The following GAN variants were observed in gnomAD, a reference collection of about 807,000 sequenced individuals.
The protein encoded by GAN is gigaxonin.
In GAN, 48 loss-of-function variants were observed where a neutral mutation model predicts 71.3. The ratio of observed to expected loss-of-function variants is 0.67; its 90% CI spans 0.53 to 0.86. The LOEUF (loss-of-function observed/expected upper bound fraction) is 0.86, where lower values mean the gene tolerates loss of function less well. GAN is among the 40% of genes least tolerant of loss of function. The pLI, the probability that GAN is intolerant of heterozygous loss-of-function variation, is 0.00. For synonymous variants in GAN, 386 were observed against 276.8 expected, an observed-to-expected ratio of 1.39 and a Z score of -3.92; for missense variants, 928 against 770.1, an observed-to-expected ratio of 1.21 and a Z score of -2.43.
At chr16:81,316,470 C>CGGTGGGGAGTGTGGAGG (rs1171291619) in intron 1 of GAN, among the ~76,000 whole-genome samples, 8 of 4,166 alleles carry the variant, frequency 1.9e-3, no homozygotes, top group African/African-American at 8.0e-3. Context: ...CGCTCTTTGG[C>CGGTGGGGAGTGTGGAGG]GGTGGGGAGT....
chr16:81,349,735 G>A (rs76152667), intron 1 of GAN, among the ~76,000 whole-genome samples: 3,205 of 152,230 alleles, frequency 0.021, 59 homozygotes, highest in East Asian at 0.081. Context: ...TGACTTTATT[G>A]TAGAAGTCTG....
chr16:81,330,075 CAG>C (rs1232087821), intron 1 of GAN, among the ~76,000 whole-genome samples: 2 of 152,186 alleles, frequency 1.3e-5, no homozygotes, highest in Admixed American at 6.5e-5. Flanking sequence ...TTCTACCTCT[CAG>C]ATCTCTGGAA....
At chr16:81,355,579 T>C (rs1164991368) in intron 3 of GAN, among the ~76,000 whole-genome samples, 2 of 152,162 alleles carry the variant, frequency 1.3e-5, no homozygotes, top group African/African-American at 4.8e-5. Flanking sequence ...CCCAGGCTGG[T>C]CTCAAACTCC....
In GAN at chr16:81,384,104, A is replaced by T. The variant is rs949764743; in HGVS notation, c.*6508A>T. The T allele has an allele frequency of 6.6e-6, 1 of 152,134 alleles. No homozygotes were observed. Among genetic ancestry groups the T allele is most frequent in the Non-Finnish European group, 1.5e-5 (1 of 68,022 alleles). 9.4% of individuals were successfully genotyped at this position (152,134 alleles called of 1,614,324 possible). ...TCCTGTTTAATTGGATGAGAATTAC[A>T]TGCACTTATTCAGTTGTTCTTTGTG... is the stretch of plus-strand genomic sequence containing the variant. On this transcript the variant is annotated 3_prime_UTR_variant, in exon 11 of 11. Coordinates refer to ENST00000648994, the MANE Select transcript of GAN (RefSeq NM_022041.4).
chr16:81,354,711 G>C lies in GAN; in HGVS notation c.589G>C (p.Glu197Gln). Residue 197 changes from glutamate (E) to glutamine (Q), a missense_variant, in exon 3 of 11, where the codon GAA (glutamate) becomes CAA (glutamine). Glu to Gln is a conservative substitution (Grantham distance 29). Transcript: ENST00000648994. ...LNVGNERYVF[E>Q]AVIRWIAHDT... Reference sequence around the variant, plus strand: ...CGTTGGCAATGAAAGATATGTCTTTGAAGCAGTAATTCGATGGATAGCACA... The same window carrying C: ...CGTTGGCAATGAAAGATATGTCTTTCAAGCAGTAATTCGATGGATAGCACA... The C allele has an allele frequency of 1.2e-6, 2 of 1,612,152 alleles. No homozygotes were observed. Among genetic ancestry groups the C allele is most frequent in the Non-Finnish European group, 8.5e-7 (1 of 1,178,168 alleles).
At chr16:81,374,019 G>A (rs1381356105) in intron 9 of GAN, among the ~76,000 whole-genome samples, 1 of 152,198 alleles carries the variant, frequency 6.6e-6, no homozygotes, top group African/African-American at 2.4e-5. Context: ...GGGATTACAG[G>A]CGTGAGCCAC....
intron 7 of GAN, among the ~76,000 whole-genome samples, chr16:81,364,460 T>C (rs1465282476): frequency 6.6e-6 from 1 of 152,022 alleles, no homozygotes; most frequent in Non-Finnish European, 1.5e-5. Context: ...AGAGATAGGG[T>C]TTCACTATGT....
Position 81,377,419 on chromosome 16 carries a change from C to T in GAN, c.1617C>T (p.Thr539=). The T allele has an allele frequency of 6.2e-6, 10 of 1,613,590 alleles. No individual in the cohort carries two copies. In the South Asian group the frequency reaches 1.1e-4, roughly 18 times the overall value. The change falls in exon 11 of 11, where the codon ACC becomes ACT. Residue 539 remains threonine, a synonymous_variant. Transcript: ENST00000648994. ...IYVIGDLDTG[T]NYDYVREFKR... Reference sequence around the variant, plus strand: ...TTGCTTATTTCTGTGGCTTAGGTACCAATTACGACTACGTGCGTGAGTTTA... The same window carrying T: ...TTGCTTATTTCTGTGGCTTAGGTACTAATTACGACTACGTGCGTGAGTTTA...
At chr16:81,339,822 TG>T (rs1909882866) in intron 1 of GAN, among the ~76,000 whole-genome samples, 1 of 151,978 alleles carries the variant, frequency 6.6e-6, no homozygotes, top group African/African-American at 2.4e-5. Context: ...CAAATGGTAT[TG>T]GGGGAGGTTA....
At chr16:81,364,390 T>G (rs1910780027) in intron 7 of GAN, among the ~76,000 whole-genome samples, 1 of 152,212 alleles carries the variant, frequency 6.6e-6, no homozygotes, top group Non-Finnish European at 1.5e-5. Context: ...CTCAGCCTAC[T>G]GAATAGCTGG....
chr16:81,380,726 G>A lies in GAN; in HGVS notation c.*3130G>A, dbSNP rs1904300634. On this transcript the variant is annotated 3_prime_UTR_variant, in exon 11 of 11. Coordinates refer to ENST00000648994, the MANE Select transcript of GAN (RefSeq NM_022041.4). ...TACTACTGTGTCGAACTCATATTGA[G>A]TGTAAATATTGAAATATTTGTAGTT... The A allele has an allele frequency of 6.6e-6, 1 of 152,176 alleles. No homozygotes were observed. The highest frequency in any genetic ancestry group is 2.1e-4 in the South Asian group (1 of 4,830). 9.4% of individuals were successfully genotyped at this position (152,176 alleles called of 1,614,324 possible).
In GAN at chr16:81,390,773, T is replaced by G. The variant is rs1849628382; in HGVS notation, c.*13177T>G. On this transcript the variant is annotated 3_prime_UTR_variant, in exon 11 of 11. Transcript: ENST00000648994. ...ACAAAAGGAATCATCTTTAAGCTGT[T>G]TAATTAACCTAATAAAATAATTTGA... 6.6e-6 allele frequency: 1 copy of G among 152,270 alleles called. No individual in the cohort carries two copies. 9.4% of individuals were successfully genotyped at this position (152,270 alleles called of 1,614,324 possible).
chr16:81,324,840 T>TG (rs1909330531), intron 1 of GAN, among the ~76,000 whole-genome samples: 1 of 152,244 alleles, frequency 6.6e-6, no homozygotes, highest in Non-Finnish European at 1.5e-5. Flanking sequence ...GCAGTGCTGC[T>TG]GGGTGTGCTC....
chr16:81,358,744 A>C (rs1910573959), intron 5 of GAN, among the ~76,000 whole-genome samples: 1 of 152,212 alleles, frequency 6.6e-6, no homozygotes, highest in Non-Finnish European at 1.5e-5. Flanking sequence ...TACTTTATCC[A>C]AAGCTCTCCC....
At chr16:81,373,186 G>C (rs1019586023) in intron 9 of GAN, among the ~76,000 whole-genome samples, 2 of 152,220 alleles carry the variant, frequency 1.3e-5, no homozygotes, top group African/African-American at 4.8e-5. Flanking sequence ...TTGACATTGA[G>C]ATGCCCTGGC....
intron 9 of GAN, among the ~76,000 whole-genome samples, chr16:81,372,690 G>A (rs889558405): frequency 6.6e-6 from 1 of 152,170 alleles, no homozygotes; most frequent in Non-Finnish European, 1.5e-5. Context: ...CAGTCATTCC[G>A]GGGATGAACT....
At position 81,377,467 on chromosome 16, in the gene GAN, C is replaced by T; in HGVS notation, c.1665C>T (p.His555=). The T allele has an allele frequency of 1.2e-6, 2 of 1,614,098 alleles. No individual in the cohort carries two copies. The highest frequency in any genetic ancestry group is 1.7e-6 in the Non-Finnish European group (2 of 1,179,944). The part of the protein sequence containing the change: ...REFKRSTGTW[H]HTKPLLPSDL... ...TTAAAAGAAGCACAGGAACCTGGCA[C>T]CACACTAAACCACTCCTTCCATCCG... The change falls in exon 11 of 11, where the codon CAC becomes CAT. Residue 555 remains histidine (H), a synonymous_variant. Transcript: ENST00000648994.
intron 1 of GAN, among the ~76,000 whole-genome samples, chr16:81,338,113 C>T (rs927917298): frequency 5.9e-5 from 9 of 152,104 alleles, no homozygotes; most frequent in Non-Finnish European, 8.8e-5. Flanking sequence ...AAACAGAAAA[C>T]GCGGAACAAT....
In GAN at chr16:81,315,012, G is replaced by A. The variant is rs1214406099; in HGVS notation, c.-102G>A. ...CTCCAGCTTCTGCTCAGAGCGCGGAGAGCCGGGCCGGGCGGGCGCGCGCGC... is the reference window on the plus strand; with the variant it reads ...CTCCAGCTTCTGCTCAGAGCGCGGAAAGCCGGGCCGGGCGGGCGCGCGCGC... On this transcript the variant is annotated 5_prime_UTR_variant, in exon 1 of 11. Transcript: ENST00000648994. 1 of 1,014,148 alleles carries A rather than the reference G, an allele frequency of 9.9e-7. No individual in the cohort carries two copies. Among genetic ancestry groups the A allele is most frequent in the Non-Finnish European group, 1.3e-6 (1 of 757,732 alleles). The allele number at this position is 1,014,148 out of a possible 1,614,324, so 62.8% of individuals were successfully genotyped here. A position where few individuals can be genotyped will look rare whatever the true frequency, so the allele number is the denominator to read the frequency against.
Sources: gnomAD v4.1 joint callset for allele counts (sites outside exome capture counted in the v4.1 genomes callset) on GRCh38, gnomAD v4.1.1 for gene constraint, MANE v1.5 for transcripts, NCBI Gene and HGNC (gene_info 2026-07-23, HGNC 2026-07-21) for gene names.